Variants in COL23A1 observed in about 807,000 individuals in gnomAD.
The protein encoded by COL23A1 is collagen type XXIII alpha 1 chain.
Under a neutral mutation model 99.3 loss-of-function variants are expected in COL23A1, and 97 were observed. That is an observed-to-expected ratio of 0.98 (90% confidence interval 0.83 to 1.16). COL23A1 has a LOEUF of 1.16. Among genes scored for constraint, COL23A1 ranks in the 50% most tolerant of loss-of-function variants. COL23A1 has a pLI of 0.00. For synonymous variants in COL23A1, 320 were observed against 308.2 expected (o/e 1.04, Z -0.40); for missense variants, 762 against 757.4 (o/e 1.01, Z -0.07).
intron 2 of COL23A1, among the ~76,000 whole-genome samples, chr5:178,352,942 C>G (rs1010783638): frequency 6.2e-4 from 95 of 152,292 alleles, no homozygotes; most frequent in African/African-American, 2.2e-3. Context: ...CTCTCACATA[C>G]CATTGAAAGG....
intron 2 of COL23A1, among the ~76,000 whole-genome samples, chr5:178,421,862 C>A (rs1765649150): frequency 6.6e-6 from 1 of 152,130 alleles, no homozygotes; most frequent in Admixed American, 6.5e-5. Context: ...AAGAGTGAAA[C>A]TTTGTCTCAA....
rs79870501 is a variant in COL23A1 at position 178,498,631 on chromosome 5, T to C, written c.361+62051A>G. Reference sequence around the variant, plus strand: ...AGAAAAAGTGAGACAATTGGAAATATTTTTAAAATATTTTTAAGTCCGAAT... The same window carrying C: ...AGAAAAAGTGAGACAATTGGAAATACTTTTAAAATATTTTTAAGTCCGAAT... On this transcript the variant is annotated intron_variant, in intron 2 of 28. Transcript: ENST00000390654. 6.6e-5 allele frequency among the ~76,000 whole-genome samples: 10 copies of C among 152,254 alleles called. No homozygotes were observed. In the East Asian group the frequency reaches 1.9e-3, roughly 29 times the overall value.
rs1562015611 is a variant in COL23A1, at chr5:178,487,293, TTTATTTA to T, written c.361+73382_361+73388del. On this transcript the variant is annotated intron_variant, in intron 2 of 28. Transcript: ENST00000390654. ...AGTCATGGTACCAGCCTCAGTTTTATTTATTTATTTATTTATTTATTTATTTATTTAT... is the reference window on the plus strand; with the variant it reads ...AGTCATGGTACCAGCCTCAGTTTTATTTTATTTATTTATTTATTTATTTAT... Among the ~76,000 whole-genome samples the T allele has an allele frequency of 1.2e-3, 145 of 122,506 alleles. 1 individual carries two copies. Among genetic ancestry groups the T allele is most frequent in the Middle Eastern group, 4.2e-3 (1 of 240 alleles). 80.4% of individuals were successfully genotyped at this position (122,506 alleles called of 152,430 possible).
At chr5:178,260,193 C>A (rs72819027) in intron 11 of COL23A1, among the ~76,000 whole-genome samples, 20,627 of 152,174 alleles carry the variant, frequency 0.14, 1,764 homozygotes, top group African/African-American at 0.25. Context: ...ACCACATCCA[C>A]GTGAAAACCT....
chr5:178,361,247 A>G (rs1000490859), intron 2 of COL23A1, among the ~76,000 whole-genome samples: 11 of 152,222 alleles, frequency 7.2e-5, no homozygotes, highest in Non-Finnish European at 1.6e-4. Flanking sequence ...TCAAAAAGGA[A>G]ATTGACAAGT....
At chr5:178,558,823 C>T (rs1203073217) in intron 2 of COL23A1, among the ~76,000 whole-genome samples, 1 of 150,806 alleles carries the variant, frequency 6.6e-6, no homozygotes, top group Non-Finnish European at 1.5e-5. Flanking sequence ...GAGTCTCGCT[C>T]TGTCACCCAG....
At chr5:178,585,744 GACCCT>G (rs1562115697) in intron 1 of COL23A1, among the ~76,000 whole-genome samples, 15 of 151,962 alleles carry the variant, frequency 9.9e-5, no homozygotes, top group South Asian at 2.1e-4. Flanking sequence ...AGCCCTGGCT[GACCCT>G]GTTGGTTGCT....
At chr5:178,392,482 C>T (rs1764021078) in intron 2 of COL23A1, among the ~76,000 whole-genome samples, 1 of 152,114 alleles carries the variant, frequency 6.6e-6, no homozygotes, top group African/African-American at 2.4e-5. Context: ...CACAGAAGGC[C>T]ACGCCACCTC....
chr5:178,517,584 T>C (rs1419971492), intron 2 of COL23A1, among the ~76,000 whole-genome samples: 3 of 129,414 alleles, frequency 2.3e-5, no homozygotes, highest in African/African-American at 5.6e-5. Context: ...TTTTTTGAGA[T>C]GGAGTCTCAC....
At chr5:178,556,110 G>A (rs75197628) in intron 2 of COL23A1, among the ~76,000 whole-genome samples, 2,688 of 152,246 alleles carry the variant, frequency 0.018, 59 homozygotes, top group African/African-American at 0.052. Context: ...CGTCCTTGGC[G>A]GGGACTGGCC....
chr5:178,247,815 T>G lies in COL23A1; in HGVS notation c.1229A>C (p.Glu410Ala). 1.2e-6 allele frequency: 2 copies of G among 1,613,048 alleles called. No homozygotes were observed. The highest frequency in any genetic ancestry group is 2.2e-5 in the South Asian group (2 of 90,906). The change falls in exon 21 of 29, where the codon GAG (glutamate) becomes GCG (alanine). Residue 410 changes from glutamate to alanine, a missense_variant. Coordinates refer to ENST00000390654, the MANE Select transcript of COL23A1 (RefSeq NM_173465.4). ...LQESLAQLIV[E>A]PGPPGPPGPP... is the part of the protein sequence containing the mutation. Reference sequence around the variant, plus strand: ...GCCAGGGGGGCCAGGGGGCCCTGGCTCCACTATGAGCTGAGCCTAGGGAGG... The same window carrying G: ...GCCAGGGGGGCCAGGGGGCCCTGGCGCCACTATGAGCTGAGCCTAGGGAGG...
intron 2 of COL23A1, among the ~76,000 whole-genome samples, chr5:178,458,953 A>T (rs1195692997): frequency 6.6e-6 from 1 of 152,202 alleles, no homozygotes; most frequent in African/African-American, 2.4e-5. Flanking sequence ...CCACAGGAAG[A>T]CAATCATCAA....
chr5:178,582,961 T>C (rs1262785155), intron 1 of COL23A1, among the ~76,000 whole-genome samples: 2 of 152,224 alleles, frequency 1.3e-5, no homozygotes, highest in Admixed American at 6.5e-5. Context: ...TTCGTCCCTT[T>C]CACTCCCTTC....
Position 178,248,320 on chromosome 5 carries a change from AG to A in COL23A1, c.1150-67del. ...ACCTGTATCACCACCCACGGTGCTT[AG>A]TGACCTCCCTTCCTTCCCCCATGTG... On this transcript the variant is annotated intron_variant, in intron 19 of 28. Transcript: ENST00000390654. 9.6e-6 allele frequency: 12 copies of A among 1,256,144 alleles called. 1 individual carries two copies. The South Asian group carries it at 1.4e-4, about 15-fold the overall frequency. The allele number at this position is 1,256,144 out of a possible 1,614,324, so 77.8% of individuals were successfully genotyped here.
chr5:178,453,225 T>C (rs1030215219), intron 2 of COL23A1, among the ~76,000 whole-genome samples: 3 of 152,192 alleles, frequency 2.0e-5, no homozygotes, highest in Admixed American at 1.3e-4. Context: ...ACATTATCTC[T>C]GGAGGGACAC....
At chr5:178,527,108 G>T (rs932216133) in intron 2 of COL23A1, among the ~76,000 whole-genome samples, 6 of 152,146 alleles carry the variant, frequency 3.9e-5, no homozygotes, top group African/African-American at 1.4e-4. Flanking sequence ...AAAAAAGGGG[G>T]AAGTTGGACC....
intron 3 of COL23A1, among the ~76,000 whole-genome samples, chr5:178,292,773 C>T (rs1405990687): frequency 1.3e-5 from 2 of 152,150 alleles, no homozygotes; most frequent in African/African-American, 4.8e-5. Context: ...AAGGATGGGG[C>T]TGCCGTCAAC....
intron 2 of COL23A1, among the ~76,000 whole-genome samples, chr5:178,326,960 C>T (rs571388787): frequency 6.6e-5 from 10 of 152,318 alleles, no homozygotes; most frequent in South Asian, 4.1e-4. Context: ...CTTCGTGATC[C>T]GCCCACCTTG....
chr5:178,296,234 C>CTT (rs2127592480), intron 3 of COL23A1, among the ~76,000 whole-genome samples: 1 of 152,284 alleles, frequency 6.6e-6, no homozygotes, highest in Admixed American at 6.5e-5. Context: ...TGGGGACTGG[C>CTT]GTGAAGTGCA....
Sources: gnomAD v4.1 joint callset for allele counts (sites outside exome capture counted in the v4.1 genomes callset) on GRCh38, gnomAD v4.1.1 for gene constraint, MANE v1.5 for transcripts, NCBI Gene and HGNC (gene_info 2026-07-23, HGNC 2026-07-21) for gene names.